Variants in DCT observed in about 807,000 individuals in gnomAD.
The protein encoded by DCT is L-dopachrome tautomerase.
Under a neutral mutation model 53.0 loss-of-function variants are expected in DCT, and 47 were observed. That is an observed-to-expected ratio of 0.89 (90% CI 0.70 to 1.13). The LOEUF (loss-of-function observed/expected upper bound fraction) is 1.13. Among genes scored for constraint, DCT ranks in the 50% most tolerant of loss-of-function variants. The probability of loss-of-function intolerance (pLI) is 0.00; values close to 1 mark genes in which losing one functional copy is unlikely to be tolerated. For missense variants in DCT, 669 were observed against 637.4 expected (o/e 1.05, Z -0.53); for synonymous variants, 244 against 237.0 (o/e 1.03, Z -0.27).
the DCT span, among the ~76,000 whole-genome samples, chr13:94,521,208 A>G: frequency 1.3e-5 from 2 of 152,234 alleles, no homozygotes; most frequent in African/African-American, 4.8e-5. Context: ...TCTCTAAAAC[A>G]GGGACAAAAA....
chr13:94,443,675 G>A (rs1218024387), intron 6 of DCT, 38 bp from the exon 7 acceptor site: 19 of 1,525,478 alleles, frequency 1.2e-5, no homozygotes, highest in Non-Finnish European at 1.6e-5. Context: ...ACATAAATCA[G>A]TCTGTTCCGA....
chr13:94,548,006 T>TATATATATATATATATATATATATATA, the DCT span, among the ~76,000 whole-genome samples: 1 of 139,764 alleles, frequency 7.2e-6, no homozygotes, highest in African/African-American at 2.9e-5. Context: ...TATATATATC[T>TATATATATATATATATATATATATATA]TCTCTGGGTG....
chr13:94,470,538 G>A (rs1016744636), intron 1 of DCT, among the ~76,000 whole-genome samples: 3 of 152,108 alleles, frequency 2.0e-5, no homozygotes, highest in Non-Finnish European at 4.4e-5. Context: ...AGATTGAAAC[G>A]AAAGGGGATG....
At chr13:94,498,844 T>C in the DCT span, among the ~76,000 whole-genome samples, 751 of 152,308 alleles carry the variant, frequency 4.9e-3, 12 homozygotes, top group African/African-American at 0.017. Flanking sequence ...CAATCATTGC[T>C]CTATGTCTAG....
rs1312418344 is a variant in DCT at position 94,469,025 on chromosome 13, A to G, written c.316T>C (p.Cys106Arg). The change falls in exon 2 of 8, where the codon TGT (cysteine) becomes CGT (arginine). Residue 106 changes from cysteine (C) to arginine (R), a missense_variant. Transcript: ENST00000377028. ...KCTGNFAGYN[C>R]GDCKFGWTGP... is the part of the protein sequence containing the mutation. ...GTCCAGCCAAACTTGCAGTCTCCAC[A>G]ATTATAGCCGGCAAAGTTTCCTAGT... 1.9e-6 allele frequency: 3 copies of G among 1,612,654 alleles called. No individual in the cohort carries two copies. The East Asian group carries it at 6.7e-5, about 36-fold the overall frequency.
rs745510649 is a variant in DCT, at chr13:94,443,600, C to T, written c.1217G>A (p.Trp406Ter). The change falls in exon 7 of 8, where the codon TGG becomes TAG. Residue 406 changes from tryptophan (W) to a stop codon, truncating the protein, a stop_gained. Coordinates refer to ENST00000377028, the MANE Select transcript of DCT (RefSeq NM_001922.5). LOFTEE classifies it high-confidence loss of function. ...HSFTDAIFDE[W>*]MKRFNPPADA... ...TGCAGGAGGATTAAATCTTTTCATCCACTCATCAAAGATGGCATCAGTAAA... is the reference window on the plus strand; with the variant it reads ...TGCAGGAGGATTAAATCTTTTCATCTACTCATCAAAGATGGCATCAGTAAA... 21 of 1,613,886 alleles carry T rather than the reference C, an allele frequency of 1.3e-5. No homozygotes were observed. In the East Asian group the frequency reaches 4.5e-4, roughly 34 times the overall value.
the DCT span, among the ~76,000 whole-genome samples, chr13:94,535,913 G>T: frequency 8.5e-5 from 13 of 152,176 alleles, no homozygotes; most frequent in African/African-American, 3.1e-4. Flanking sequence ...CTTCGAGGAA[G>T]AATGTCTCCT....
intron 1 of DCT, among the ~76,000 whole-genome samples, chr13:94,476,319 C>G (rs575504290): frequency 6.6e-6 from 1 of 151,064 alleles, no homozygotes; most frequent in African/African-American, 2.4e-5. Context: ...CTATCCCTAC[C>G]TAAAACAAAA....
the DCT span, among the ~76,000 whole-genome samples, chr13:94,535,895 G>A: frequency 6.6e-6 from 1 of 152,262 alleles, no homozygotes; most frequent in South Asian, 2.1e-4. Context: ...CCCCTCCCAG[G>A]TTTCCCTCTT....
the DCT span, among the ~76,000 whole-genome samples, chr13:94,514,768 A>G: frequency 6.6e-6 from 1 of 152,218 alleles, no homozygotes; most frequent in East Asian, 1.9e-4. Context: ...ATGGCAGGCA[A>G]AGGAACCTGC....
chr13:94,478,142 A>T (rs1343910573), intron 1 of DCT, among the ~76,000 whole-genome samples: 3 of 148,500 alleles, frequency 2.0e-5, no homozygotes, highest in Non-Finnish European at 4.5e-5. Context: ...GTTATCTAAT[A>T]ACAACCCCCC....
chr13:94,437,408 T>C lies in DCT; in HGVS notation c.*2490A>G, dbSNP rs1001164566. The C allele has an allele frequency of 5.3e-5, 8 of 152,202 alleles. No homozygotes were observed. Among genetic ancestry groups the C allele is most frequent in the African/African-American group, 1.9e-4 (8 of 41,452 alleles). 9.4% of individuals were successfully genotyped at this position (152,202 alleles called of 1,614,324 possible). A position where few individuals can be genotyped will look rare whatever the true frequency, so the allele number is the denominator to read the frequency against. On this transcript the variant is annotated 3_prime_UTR_variant, in exon 8 of 8. Transcript: ENST00000377028. Reference sequence around the variant, plus strand: ...ATTAAAAGTATTATAATTAACAATGTTAAATCCTAAGCAAGATACAAATGT... The same window carrying C: ...ATTAAAAGTATTATAATTAACAATGCTAAATCCTAAGCAAGATACAAATGT...
At chr13:94,445,115 T>G (rs1471308210) in intron 6 of DCT, among the ~76,000 whole-genome samples, 1 of 152,204 alleles carries the variant, frequency 6.6e-6, no homozygotes, top group Non-Finnish European at 1.5e-5. Flanking sequence ...AAATAAACAG[T>G]GTCTAGGGAT....
upstream of DCT, among the ~76,000 whole-genome samples, chr13:94,483,455 T>C (rs1885532589): frequency 6.7e-6 from 1 of 148,536 alleles, no homozygotes; most frequent in Admixed American, 6.7e-5. Context: ...TTTTTTTTTT[T>C]CCAGACTAAA....
the DCT span, among the ~76,000 whole-genome samples, chr13:94,494,477 C>G: frequency 1.2e-4 from 19 of 152,254 alleles, no homozygotes; most frequent in Non-Finnish European, 2.6e-4. Context: ...ATTTGCTGAT[C>G]TCCTCTTCCT....
chr13:94,462,961 G>T (rs1479657339), intron 4 of DCT, among the ~76,000 whole-genome samples: 2 of 152,102 alleles, frequency 1.3e-5, no homozygotes, highest in Non-Finnish European at 2.9e-5. Flanking sequence ...TACACAAAGG[G>T]GAGATATTAG....
At chr13:94,469,553 C>T (rs1014162298) in intron 1 of DCT, among the ~76,000 whole-genome samples, 1 of 152,110 alleles carries the variant, frequency 6.6e-6, no homozygotes, top group African/African-American at 2.4e-5. Context: ...CTGATCTCAG[C>T]CATCCATCCT....
chr13:94,486,342 T>C, the DCT span, among the ~76,000 whole-genome samples: 1 of 152,204 alleles, frequency 6.6e-6, no homozygotes, highest in African/African-American at 2.4e-5. Context: ...TATTTCTAAT[T>C]TAAGTGAATT....
chr13:94,495,739 G>A, the DCT span, among the ~76,000 whole-genome samples: 37 of 152,300 alleles, frequency 2.4e-4, no homozygotes, highest in Non-Finnish European at 5.3e-4. Context: ...TGTGAAGGAT[G>A]TACTATCTCA....
Sources: gnomAD v4.1 joint callset for allele counts (sites outside exome capture counted in the v4.1 genomes callset) on GRCh38, gnomAD v4.1.1 for gene constraint, MANE v1.5 for transcripts, NCBI Gene and HGNC (gene_info 2026-07-23, HGNC 2026-07-21) for gene names.